GBF1: variants seen among roughly 807,000 people sequenced by gnomAD.
GBF1 encodes the protein Golgi-specific brefeldin A-resistance guanine nucleotide exchange factor 1.
GBF1 carries 114 observed loss-of-function variants against 210.5 expected under a neutral mutation model. The observed-to-expected ratio is 0.54, with a 90% CI of 0.47 to 0.63. GBF1 has a LOEUF of 0.63. Among genes scored for constraint, GBF1 ranks in the 30% least tolerant of loss-of-function variants. GBF1 has a pLI of 0.00. For missense variants in GBF1, 1,851 were observed against 2,357.7 expected (o/e 0.79, Z 4.45); for synonymous variants, 850 against 889.2 (o/e 0.96, Z 0.78).
rs2073523475 is a variant in GBF1 at position 102,263,796 on chromosome 10, C to T, written c.163+3680C>T. Among the ~76,000 whole-genome samples, 3 of 152,058 alleles carry T rather than the reference C, an allele frequency of 2.0e-5. No individual in the cohort carries two copies. In the South Asian group the frequency reaches 6.2e-4, roughly 31 times the overall value. ...AGAGTAATAAGATATTCTAATAATA[C>T]CAAATTTGAAAAGAGGGTTGCTCTT... On this transcript the variant is annotated intron_variant, in intron 3 of 39. Coordinates refer to ENST00000369983, the MANE Select transcript of GBF1 (RefSeq NM_001377137.1).
intron 1 of GBF1, among the ~76,000 whole-genome samples, chr10:102,247,969 T>C (rs2071045789): frequency 6.6e-6 from 1 of 152,188 alleles, no homozygotes; most frequent in Non-Finnish European, 1.5e-5. Flanking sequence ...CACTTTCACA[T>C]AATAACCTCA....
intron 3 of GBF1, among the ~76,000 whole-genome samples, chr10:102,260,319 A>G (rs1326808080): frequency 1.3e-5 from 2 of 151,878 alleles, no homozygotes; most frequent in Non-Finnish European, 2.9e-5. Flanking sequence ...TGAGAAATAT[A>G]TATTTTCTTT....
the GBF1 span, among the ~76,000 whole-genome samples, chr10:102,232,346 C>T: frequency 6.6e-6 from 1 of 152,114 alleles, no homozygotes; most frequent in Non-Finnish European, 1.5e-5. Flanking sequence ...TAGAACTGTG[C>T]CAGGTATACA....
chr10:102,264,607 C>T (rs2073646172), intron 3 of GBF1, among the ~76,000 whole-genome samples: 2 of 152,174 alleles, frequency 1.3e-5, no homozygotes, highest in African/African-American at 4.8e-5. Context: ...CACTGTCAAG[C>T]TGCGCCCTTT....
chr10:102,252,715 C>G (rs1227147962), intron 1 of GBF1, among the ~76,000 whole-genome samples: 1 of 151,942 alleles, frequency 6.6e-6, no homozygotes, highest in African/African-American at 2.4e-5. Context: ...GGCATGGTGA[C>G]TCATGCCTGT....
intron 3 of GBF1, among the ~76,000 whole-genome samples, chr10:102,309,489 C>T (rs2078222075): frequency 6.6e-6 from 1 of 152,088 alleles, no homozygotes; most frequent in Non-Finnish European, 1.5e-5. Context: ...AGGGTCAGTC[C>T]CCAGAGGTTG....
chr10:102,287,862 C>T (rs80221737), intron 3 of GBF1, among the ~76,000 whole-genome samples: 7,666 of 152,232 alleles, frequency 0.05, 382 homozygotes, highest in African/African-American at 0.13. Flanking sequence ...GGGGACATCA[C>T]TGGGAGTCAT....
At chr10:102,369,644 G>C (rs1169141719) in intron 24 of GBF1, 67 bp from the exon 25 acceptor site, 3 of 1,430,948 alleles carry the variant, frequency 2.1e-6, no homozygotes, top group Non-Finnish European at 2.9e-6. Flanking sequence ...AGAGAACTTT[G>C]GTGGGTGGAG....
In GBF1 at chr10:102,351,301, A is replaced by G; in HGVS notation, c.341A>G (p.Asp114Gly). The G allele has an allele frequency of 6.2e-7, 1 of 1,611,792 alleles. No individual in the cohort carries two copies. Among genetic ancestry groups the G allele is most frequent in the African/African-American group, 1.3e-5 (1 of 75,000 alleles). ...GCAGAGGGCATGGAGAACATGGCAG[A>G]TGCTGTCACCCATGCTCGTTTTGTG... is the stretch of plus-strand genomic sequence containing the variant. ...GTAEGMENMA[D>G]AVTHARFVGT... The change falls in exon 5 of 40, where the codon GAT becomes GGT. Residue 114 changes from aspartate (D) to glycine (G), a missense_variant. This residue lies in a region of GBF1 where 804 missense variants were observed against 958.6 expected (regional missense o/e 0.84). Coordinates refer to ENST00000369983, the MANE Select transcript of GBF1 (RefSeq NM_001377137.1).
chr10:102,282,172 T>G (rs2075561815), intron 3 of GBF1, among the ~76,000 whole-genome samples: 1 of 151,826 alleles, frequency 6.6e-6, no homozygotes, highest in South Asian at 2.1e-4. Context: ...CCTGATCTTG[T>G]GATCCACCCG....
intron 29 of GBF1, among the ~76,000 whole-genome samples, chr10:102,371,078 T>C (rs2060181208): frequency 6.6e-6 from 1 of 152,200 alleles, no homozygotes; most frequent in African/African-American, 2.4e-5. Context: ...CAGCCTCCTA[T>C]GAATCTGCTT....
At chr10:102,312,362 A>G (rs886335966) in intron 3 of GBF1, among the ~76,000 whole-genome samples, 1 of 152,058 alleles carries the variant, frequency 6.6e-6, no homozygotes, top group African/African-American at 2.4e-5. Context: ...GGGTTGAGGA[A>G]CAATCCACTT....
chr10:102,282,160 C>G (rs1461927828), intron 3 of GBF1, among the ~76,000 whole-genome samples: 1 of 151,474 alleles, frequency 6.6e-6, no homozygotes, highest in Non-Finnish European at 1.5e-5. Flanking sequence ...TGGTCTCAAT[C>G]TCCTGATCTT....
intron 3 of GBF1, among the ~76,000 whole-genome samples, chr10:102,289,286 C>T (rs1245874263): frequency 6.6e-6 from 1 of 152,162 alleles, no homozygotes; most frequent in Non-Finnish European, 1.5e-5. Flanking sequence ...TCTTTCCCTC[C>T]TTGGTACATA....
intron 3 of GBF1, among the ~76,000 whole-genome samples, chr10:102,295,426 G>T (rs910835708): frequency 3.9e-5 from 6 of 152,124 alleles, no homozygotes; most frequent in Admixed American, 6.5e-5. Context: ...AAAGTTTATG[G>T]CAGTTATAGA....
At position 102,369,856 on chromosome 10, in the gene GBF1, T is replaced by G; in HGVS notation, c.3216-5T>G. ...CTCACCAGGCCATGTGCCCTTTTTC[T>G]ACAGAGGAGAGTCAACAGTGCTGAG... is the stretch of plus-strand genomic sequence containing the variant. On this transcript the variant is annotated splice_region_variant and splice_polypyrimidine_tract_variant and intron_variant, in intron 25 of 39. Coordinates refer to ENST00000369983, the MANE Select transcript of GBF1 (RefSeq NM_001377137.1). The G allele has an allele frequency of 6.2e-7, 1 of 1,614,140 alleles. No homozygotes were observed. Among genetic ancestry groups the G allele is most frequent in the Non-Finnish European group, 8.5e-7 (1 of 1,180,026 alleles).
At chr10:102,240,689 C>T (rs1339957111), upstream of GBF1, among the ~76,000 whole-genome samples, 2 of 152,220 alleles carry the variant, frequency 1.3e-5, no homozygotes, top group African/African-American at 4.8e-5. Context: ...GATTCTGAGG[C>T]GGCCTCAAGT....
intron 1 of GBF1, among the ~76,000 whole-genome samples, chr10:102,246,264 A>T (rs951444035): frequency 6.6e-6 from 1 of 152,214 alleles, no homozygotes; most frequent in Non-Finnish European, 1.5e-5. Context: ...GAACTAGTGC[A>T]CCCTAGAATC....
intron 3 of GBF1, among the ~76,000 whole-genome samples, chr10:102,306,048 A>G (rs796345971): frequency 1.3e-5 from 2 of 151,876 alleles, no homozygotes; most frequent in African/African-American, 4.8e-5. Flanking sequence ...CAAGGTTACT[A>G]TATATATATA....
Sources: allele counts gnomAD v4.1 joint callset (sites outside exome capture counted in the v4.1 genomes callset), GRCh38; gene constraint gnomAD v4.1.1; regional missense constraint gnomAD v4.1.1; transcripts MANE v1.5; gene names NCBI Gene and HGNC (gene_info 2026-07-23, HGNC 2026-07-21).